The following SH2D7 variants were observed in gnomAD, a reference collection of about 807,000 sequenced individuals.
The protein encoded by SH2D7 is SH2 domain-containing protein 7.
SH2D7 carries 32 observed loss-of-function variants against 40.8 expected under a neutral mutation model. That is an observed-to-expected ratio of 0.78 (90% CI 0.59 to 1.05). SH2D7 has a LOEUF of 1.05. Ranked by LOEUF, SH2D7 falls within the 50% of genes least tolerant of loss-of-function variation. SH2D7 has a pLI of 0.00. For synonymous variants in SH2D7, 195 were observed against 221.5 expected, an observed-to-expected ratio of 0.88 and a Z score of 1.06; for missense variants, 559 against 566.6, an observed-to-expected ratio of 0.99 and a Z score of 0.14.
chr15:78,096,581 C>T (rs1036468358), intron 2 of SH2D7, among the ~76,000 whole-genome samples: 79 of 152,202 alleles, frequency 5.2e-4, no homozygotes, highest in African/African-American at 1.7e-3. Flanking sequence ...CTGCAACCTC[C>T]GCCTCCAGGG....
intron 4 of SH2D7, 122 bp downstream of exon 4, chr15:78,098,718 GC>G: frequency 8.5e-7 from 1 of 1,172,174 alleles, no homozygotes; most frequent in Non-Finnish European, 1.2e-6. Context: ...GGTGAGCCAG[GC>G]CCAGAGGTGC....
rs138489698 is a variant in SH2D7, at chr15:78,094,304, G to A, written c.266+103G>A. Reference sequence around the variant, plus strand: ...TGGCCCAAATTGCCTAGATTTCCCTGGGTCCTGACTCCTGAATCCCTCAAT... The same window carrying A: ...TGGCCCAAATTGCCTAGATTTCCCTAGGTCCTGACTCCTGAATCCCTCAAT... On this transcript the variant is annotated intron_variant, in intron 2 of 5. Transcript: ENST00000328828. 1,227 of 1,058,364 alleles carry A rather than the reference G, an allele frequency of 1.2e-3. 9 individuals are homozygous for A. In the African/African-American group the frequency reaches 0.018, roughly 15 times the overall value. The allele number at this position is 1,058,364 out of a possible 1,614,324, so 65.6% of individuals were successfully genotyped here. A position where few individuals can be genotyped will look rare whatever the true frequency, so the allele number is the denominator to read the frequency against.
Position 78,103,643 on chromosome 15 carries a change from A to C in SH2D7, c.*128A>C. 8.3e-7 allele frequency: 1 copy of C among 1,199,146 alleles called. No individual in the cohort carries two copies. The highest frequency in any genetic ancestry group is 2.3e-5 in the Admixed American group (1 of 43,446). 74.3% of individuals were successfully genotyped at this position (1,199,146 alleles called of 1,614,324 possible). On this transcript the variant is annotated 3_prime_UTR_variant, in exon 6 of 6. Coordinates refer to ENST00000328828, the MANE Select transcript of SH2D7 (RefSeq NM_001101404.2). ...TGAGACTCATCCAGCCTGCTACAGA[A>C]CTAGGCTCCGAGACAGCCGAGGTGC...
At position 78,098,518 on chromosome 15, in the gene SH2D7, GC is replaced by G; in HGVS notation, c.571del (p.Gln191ArgfsTer13). The G allele has an allele frequency of 5.0e-6, 8 of 1,613,996 alleles. No homozygotes were observed. The highest frequency in any genetic ancestry group is 6.8e-6 in the Non-Finnish European group (8 of 1,179,880). On this transcript the variant is annotated frameshift_variant, in exon 4 of 6. Transcript: ENST00000328828. LOFTEE classifies it high-confidence loss of function. ...KAASPRSSPK[P>X]QVSFLHAQKS... ...CCGCCAGCCCCCGCTCTTCTCCAAAGCCCCAGGTCTCCTTCCTCCATGCACA... is the reference window on the plus strand; with the variant it reads ...CCGCCAGCCCCCGCTCTTCTCCAAAGCCCAGGTCTCCTTCCTCCATGCACA...
At chr15:78,101,668 G>A in intron 5 of SH2D7, 110 bp downstream of exon 5, 30 of 1,278,284 alleles carry the variant, frequency 2.3e-5, no homozygotes, top group Non-Finnish European at 3.1e-5. Context: ...GCCACTGCCT[G>A]GAAGTACACA....
chr15:78,103,441 C>G (rs1052733363), intron 5 of SH2D7, 24 bp from the exon 6 acceptor site: 7 of 1,553,372 alleles, frequency 4.5e-6, no homozygotes, highest in Non-Finnish European at 6.1e-6. Context: ...ACCCCAGGCC[C>G]CAGTATCTCC....
intron 2 of SH2D7, among the ~76,000 whole-genome samples, chr15:78,096,435 A>G (rs962641520): frequency 2.6e-5 from 4 of 152,334 alleles, no homozygotes; most frequent in African/African-American, 7.2e-5. Context: ...TAAAGCCACA[A>G]TGGATGGCTA....
At chr15:78,097,671 G>C (rs1176601046) in intron 2 of SH2D7, among the ~76,000 whole-genome samples, 1 of 151,982 alleles carries the variant, frequency 6.6e-6, no homozygotes, top group Non-Finnish European at 1.5e-5. Flanking sequence ...AGTCACAGCC[G>C]TGCTCTCCCT....
At chr15:78,100,863 T>G in intron 4 of SH2D7, 36 bp from the exon 5 acceptor site, 1 of 1,598,192 alleles carries the variant, frequency 6.3e-7, no homozygotes. Flanking sequence ...AGTGATGGGC[T>G]GCCCCTTAAG....
chr15:78,091,968 T>G (rs1292615683), upstream of SH2D7, among the ~76,000 whole-genome samples: 1 of 152,238 alleles, frequency 6.6e-6, no homozygotes, highest in Non-Finnish European at 1.5e-5. Context: ...TGTCTTGGAG[T>G]GCTTATTCCA....
chr15:78,103,631 G>C lies in SH2D7; in HGVS notation c.*116G>C. 2 of 1,284,646 alleles carry C rather than the reference G, an allele frequency of 1.6e-6. No individual in the cohort carries two copies. The highest frequency in any genetic ancestry group is 2.2e-6 in the Non-Finnish European group (2 of 925,840). 79.6% of individuals were successfully genotyped at this position (1,284,646 alleles called of 1,614,324 possible). On this transcript the variant is annotated 3_prime_UTR_variant, in exon 6 of 6. Coordinates refer to ENST00000328828, the MANE Select transcript of SH2D7 (RefSeq NM_001101404.2). The stretch of plus-strand genomic sequence containing the variant: ...CCCTTTGGATCTTGAGACTCATCCA[G>C]CCTGCTACAGAACTAGGCTCCGAGA...
intron 3 of SH2D7, 79 bp downstream of exon 3, chr15:78,098,173 C>A: frequency 6.8e-7 from 1 of 1,476,448 alleles, no homozygotes. Flanking sequence ...CAGACATACT[C>A]CTTTTCAAGC....
chr15:78,101,281 C>T lies in SH2D7; in HGVS notation c.1028C>T (p.Ser343Phe), dbSNP rs1172490127. The T allele has an allele frequency of 1.2e-6, 2 of 1,612,352 alleles. No individual in the cohort carries two copies. Among genetic ancestry groups the T allele is most frequent in the African/African-American group, 1.3e-5 (1 of 75,016 alleles). Residue 343 changes from serine to phenylalanine, a missense_variant, in exon 5 of 6, where the codon TCC (serine) becomes TTC (phenylalanine). By Grantham distance (155) the Ser-to-Phe change is radical. Coordinates refer to ENST00000328828, the MANE Select transcript of SH2D7 (RefSeq NM_001101404.2). ...PKLSQEAQPC[S>F]QGSSADIYEF... is the part of the protein sequence containing the mutation. ...CTGAGCCAAGAGGCTCAGCCCTGCT[C>T]CCAGGGCAGCTCTGCAGATATCTAT...
Position 78,103,625 on chromosome 15 carries a change from C to A in SH2D7, c.*110C>A. ...AAGGCACCCTTTGGATCTTGAGACTCATCCAGCCTGCTACAGAACTAGGCT... is the reference window on the plus strand; with the variant it reads ...AAGGCACCCTTTGGATCTTGAGACTAATCCAGCCTGCTACAGAACTAGGCT... On this transcript the variant is annotated 3_prime_UTR_variant, in exon 6 of 6. Transcript: ENST00000328828. The A allele has an allele frequency of 1.5e-6, 2 of 1,313,028 alleles. No homozygotes were observed. Among genetic ancestry groups the A allele is most frequent in the Non-Finnish European group, 1.1e-6 (1 of 948,148 alleles). 81.3% of individuals were successfully genotyped at this position (1,313,028 alleles called of 1,614,324 possible).
upstream of SH2D7, among the ~76,000 whole-genome samples, chr15:78,091,002 C>T (rs1011416510): frequency 7.9e-5 from 12 of 152,172 alleles, no homozygotes; most frequent in African/African-American, 2.9e-4. Flanking sequence ...CCCACCCAGT[C>T]CCCAAGGTAA....
intron 2 of SH2D7, among the ~76,000 whole-genome samples, chr15:78,095,410 C>T (rs1037570381): frequency 6.6e-6 from 1 of 152,032 alleles, no homozygotes; most frequent in African/African-American, 2.4e-5. Flanking sequence ...AGAATACTAA[C>T]TTATAAAAGA....
chr15:78,091,755 G>C (rs1713379001), upstream of SH2D7, among the ~76,000 whole-genome samples: 2 of 152,202 alleles, frequency 1.3e-5, no homozygotes, highest in Admixed American at 1.3e-4. Context: ...ATGAGCTTCT[G>C]TTTTTTCTTC....
At position 78,101,543 on chromosome 15, in the gene SH2D7, T is replaced by C; in HGVS notation, c.1290T>C (p.Thr430=). The change falls in exon 5 of 6, where the codon ACT becomes ACC. Residue 430 remains threonine, a synonymous_variant. Transcript: ENST00000328828. ...TCCCAGCAACCAAGAGCAAGGAGAC[T>C]GGACGGACACACAAGGTGAGCTCCA... ...EQIPATKSKE[T]GRTHKPDKLR... 6.3e-7 allele frequency: 1 copy of C among 1,593,242 alleles called. No individual in the cohort carries two copies.
At chr15:78,102,822 A>G (rs936203652) in intron 5 of SH2D7, among the ~76,000 whole-genome samples, 3 of 152,038 alleles carry the variant, frequency 2.0e-5, no homozygotes, top group African/African-American at 4.8e-5. Context: ...ATACCCAGAG[A>G]CAATAAAACC....
Sources: gnomAD v4.1 joint callset for allele counts (sites outside exome capture counted in the v4.1 genomes callset) on GRCh38, gnomAD v4.1.1 for gene constraint, MANE v1.5 for transcripts, NCBI Gene and HGNC (gene_info 2026-07-23, HGNC 2026-07-21) for gene names.